The following LRMDA variants were observed in gnomAD, a reference collection of about 807,000 sequenced individuals.
LRMDA encodes leucine-rich melanocyte differentiation-associated protein.
A neutral mutation model predicts 29.8 loss-of-function variants in LRMDA; 18 were observed. The ratio of observed to expected loss-of-function variants is 0.60; its 90% CI spans 0.42 to 0.90. LRMDA has a LOEUF of 0.90. Ranked by LOEUF, LRMDA falls within the 40% of genes least tolerant of loss-of-function variation. The pLI, the probability that LRMDA is intolerant of heterozygous loss-of-function variation, is 0.00. For missense variants in LRMDA, 273 were observed against 273.9 expected, an observed-to-expected ratio of 1.00 and a Z score of 0.02; for synonymous variants, 125 against 109.4, an observed-to-expected ratio of 1.14 and a Z score of -0.89.
intron 5 of LRMDA, among the ~76,000 whole-genome samples, chr10:76,106,327 C>T (rs779510104): frequency 3.3e-5 from 5 of 152,216 alleles, no homozygotes; most frequent in Non-Finnish European, 7.3e-5. Context: ...TTTTCACCCA[C>T]TATGCTTAAC....
At chr10:76,103,624 C>G (rs568292598) in intron 5 of LRMDA, among the ~76,000 whole-genome samples, 1 of 152,172 alleles carries the variant, frequency 6.6e-6, no homozygotes, top group Non-Finnish European at 1.5e-5. Context: ...TAAATTCAAG[C>G]CTTTTTCCCA....
At chr10:75,547,575 A>G (rs944975468) in intron 2 of LRMDA, among the ~76,000 whole-genome samples, 2 of 152,190 alleles carry the variant, frequency 1.3e-5, no homozygotes, top group Non-Finnish European at 2.9e-5. Flanking sequence ...CAAGAATGTC[A>G]CATGGCATTT....
intron 5 of LRMDA, among the ~76,000 whole-genome samples, chr10:76,322,012 T>C (rs2132395073): frequency 6.6e-6 from 1 of 152,336 alleles, no homozygotes; most frequent in East Asian, 1.9e-4. Flanking sequence ...TGAAGATTCA[T>C]ATTTACTCAA....
intron 6 of LRMDA, among the ~76,000 whole-genome samples, chr10:76,389,735 T>C (rs1035856690): frequency 7.0e-6 from 1 of 142,980 alleles, no homozygotes; most frequent in African/African-American, 3.0e-5. Flanking sequence ...ATGTGGACTT[T>C]TGTGCTTACT....
chr10:75,500,036 T>C lies in LRMDA; in HGVS notation c.131+61542T>C, dbSNP rs558718621. On this transcript the variant is annotated intron_variant, in intron 2 of 6. Coordinates refer to ENST00000611255, the MANE Select transcript of LRMDA (RefSeq NM_001305581.2). ...GGGTTTAAATCAGTGTTTTCTACAC[T>C]TTTTTTTCCTGCTAAGCAATAGAGC... Among the ~76,000 whole-genome samples the C allele has an allele frequency of 4.6e-5, 7 of 152,178 alleles. No homozygotes were observed. The South Asian group carries it at 1.5e-3, about 32-fold the overall frequency.
At chr10:76,043,965 C>A (rs546408111) in intron 3 of LRMDA, among the ~76,000 whole-genome samples, 1 of 152,222 alleles carries the variant, frequency 6.6e-6, no homozygotes, top group Admixed American at 6.5e-5. Context: ...GGGCTTCCCT[C>A]AGTCGTGTAG....
chr10:75,470,534 G>A (rs888950285), intron 2 of LRMDA, among the ~76,000 whole-genome samples: 1 of 152,226 alleles, frequency 6.6e-6, no homozygotes, highest in Non-Finnish European at 1.5e-5. Context: ...GGACGGAAAT[G>A]CGTTTGAAGG....
intron 5 of LRMDA, among the ~76,000 whole-genome samples, chr10:76,273,946 G>T (rs190549927): frequency 4.6e-4 from 70 of 152,112 alleles, no homozygotes; most frequent in African/African-American, 1.6e-3. Flanking sequence ...TTCTTTTATG[G>T]ATTTTTACAT....
At chr10:75,793,834 A>G (rs1272570558) in intron 2 of LRMDA, among the ~76,000 whole-genome samples, 1 of 152,220 alleles carries the variant, frequency 6.6e-6, no homozygotes, top group African/African-American at 2.4e-5. Flanking sequence ...AGGAGTGAGA[A>G]ATAAACCGTT....
chr10:76,171,706 G>A lies in LRMDA; in HGVS notation c.516+112923G>A, dbSNP rs571045815. Among the ~76,000 whole-genome samples, 6 of 152,286 alleles carry A rather than the reference G, an allele frequency of 3.9e-5. No homozygotes were observed. In the East Asian group the frequency reaches 1.2e-3, roughly 29 times the overall value. On this transcript the variant is annotated intron_variant, in intron 5 of 6. Transcript: ENST00000611255. ...CTTCTCTTTAGGGCATAGCACCAAC[G>A]TCTTCTTGTGAGTGTATCCTAAAAA...
chr10:75,463,403 ACTGT>A (rs1844611662), intron 2 of LRMDA, among the ~76,000 whole-genome samples: 2 of 151,922 alleles, frequency 1.3e-5, no homozygotes, highest in South Asian at 2.1e-4. Context: ...CCTCCCACAG[ACTGT>A]CTGAGAGGCT....
chr10:75,580,404 A>T (rs1488642700), intron 2 of LRMDA, among the ~76,000 whole-genome samples: 4 of 152,232 alleles, frequency 2.6e-5, no homozygotes, highest in Non-Finnish European at 4.4e-5. Context: ...ACCACTGCTC[A>T]AGGAAATAAA....
chr10:75,497,272 T>C (rs894577577), intron 2 of LRMDA, among the ~76,000 whole-genome samples: 2 of 152,148 alleles, frequency 1.3e-5, no homozygotes, highest in Admixed American at 1.3e-4. Context: ...GTTTGAAGGA[T>C]TGTATAGTGG....
chr10:75,557,518 A>G (rs893875731), intron 2 of LRMDA, among the ~76,000 whole-genome samples: 18 of 152,158 alleles, frequency 1.2e-4, no homozygotes, highest in African/African-American at 4.3e-4. Context: ...CTAGCCCTGC[A>G]ACATTGATAC....
chr10:75,534,032 C>G (rs968207526), intron 2 of LRMDA, among the ~76,000 whole-genome samples: 2 of 152,116 alleles, frequency 1.3e-5, no homozygotes, highest in African/African-American at 2.4e-5. Context: ...AGATGGTGTC[C>G]TATAGAACCC....
intron 2 of LRMDA, among the ~76,000 whole-genome samples, chr10:75,509,257 G>A (rs775380113): frequency 8.5e-5 from 13 of 152,062 alleles, no homozygotes; most frequent in African/African-American, 2.4e-4. Flanking sequence ...TAGAGAGGTC[G>A]AATGGGCTGT....
intron 6 of LRMDA, among the ~76,000 whole-genome samples, chr10:76,447,908 C>A (rs1250619077): frequency 6.6e-6 from 1 of 152,092 alleles, no homozygotes; most frequent in Non-Finnish European, 1.5e-5. Flanking sequence ...AAGAGATATT[C>A]ATCTTGTATT....
chr10:75,609,288 A>G (rs1034351029), intron 2 of LRMDA, among the ~76,000 whole-genome samples: 7 of 152,136 alleles, frequency 4.6e-5, no homozygotes, highest in African/African-American at 1.7e-4. Flanking sequence ...ACCCACACCC[A>G]CACTGTTAAT....
At chr10:76,007,752 C>A (rs1360289017) in intron 2 of LRMDA, among the ~76,000 whole-genome samples, 1 of 152,090 alleles carries the variant, frequency 6.6e-6, no homozygotes, top group African/African-American at 2.4e-5. Flanking sequence ...GGTGTGTGAG[C>A]CTGAGATGCT....
Sources: gnomAD v4.1 joint callset for allele counts (sites outside exome capture counted in the v4.1 genomes callset) on GRCh38, gnomAD v4.1.1 for gene constraint, MANE v1.5 for transcripts, NCBI Gene and HGNC (gene_info 2026-07-23, HGNC 2026-07-21) for gene names.